The following ATP10D variants were observed in gnomAD, a reference collection of about 807,000 sequenced individuals.
The protein encoded by ATP10D is ATPase phospholipid transporting 10D (putative), also known as phospholipid-transporting ATPase VD.
In ATP10D, 89 loss-of-function variants were observed where a neutral mutation model predicts 144.8. The ratio of observed to expected loss-of-function variants is 0.61; its 90% CI spans 0.52 to 0.73. ATP10D has a LOEUF of 0.73. ATP10D is among the 30% of genes least tolerant of loss of function. The pLI is 0.00. For missense variants in ATP10D, 1,603 were observed against 1,714.8 expected (o/e 0.93, Z 1.15); for synonymous variants, 571 against 615.1 (o/e 0.93, Z 1.06).
intron 1 of ATP10D, among the ~76,000 whole-genome samples, chr4:47,501,991 T>C (rs1715703312): frequency 1.3e-5 from 2 of 152,184 alleles, no homozygotes; most frequent in South Asian, 4.1e-4. Context: ...TGTTTATGCT[T>C]TTTTCAGCTT....
At position 47,591,279 on chromosome 4, in the gene ATP10D, T is replaced by C. The variant is rs1260858769; in HGVS notation, c.4179T>C (p.Ile1393=). 5.6e-6 allele frequency: 9 copies of C among 1,613,584 alleles called. No homozygotes were observed. The highest frequency in any genetic ancestry group is 7.6e-6 in the Non-Finnish European group (9 of 1,179,558). The part of the protein sequence containing the change: ...FAMKSASSCA[I]EQGNLSLCET... ...TGAAGTCAGCAAGTTCCTGTGCTAT[T>C]GAGCAAGGAAACTTATCTCTGTGTG... Residue 1393 remains isoleucine (I), a synonymous_variant, in exon 23 of 23, where the codon ATT becomes ATC. Transcript: ENST00000273859.
chr4:47,552,274 C>T (rs934711943), intron 10 of ATP10D, among the ~76,000 whole-genome samples: 4 of 152,286 alleles, frequency 2.6e-5, no homozygotes, highest in Non-Finnish European at 4.4e-5. Flanking sequence ...TGGCATATTA[C>T]GTTGACTACA....
intron 14 of ATP10D, among the ~76,000 whole-genome samples, chr4:47,561,425 A>G (rs1394883198): frequency 2.6e-5 from 4 of 152,208 alleles, no homozygotes; most frequent in Non-Finnish European, 5.9e-5. Context: ...AAGGTGCTTA[A>G]TACGTGTTAT....
intron 9 of ATP10D, among the ~76,000 whole-genome samples, chr4:47,546,283 T>C (rs573783897): frequency 4.8e-4 from 73 of 152,202 alleles, no homozygotes; most frequent in African/African-American, 1.6e-3. Flanking sequence ...GGTGAAGTCA[T>C]TGAGTTCAGG....
At position 47,512,637 on chromosome 4, in the gene ATP10D, T is replaced by C. The variant is rs1239427184; in HGVS notation, c.97T>C (p.Leu33=). 10 of 1,614,170 alleles carry C rather than the reference T, an allele frequency of 6.2e-6. No homozygotes were observed. Among genetic ancestry groups the C allele is most frequent in the Non-Finnish European group, 8.5e-6 (10 of 1,180,028 alleles). Residue 33 remains leucine, a synonymous_variant, in exon 2 of 23, where the codon TTG becomes CTG. Transcript: ENST00000273859. The part of the protein sequence containing the change: ...DDSGPYNYSS[L]LACGRKSSQT... ...TTCAGGGCCATACAACTATTCCTCG[T>C]TGCTCGCCTGTGGGCGCAAGTCCTC...
intron 10 of ATP10D, among the ~76,000 whole-genome samples, chr4:47,553,750 C>A (rs903839866): frequency 6.6e-6 from 1 of 152,204 alleles, no homozygotes; most frequent in African/African-American, 2.4e-5. Flanking sequence ...TAAACCTATG[C>A]TAACTCTCAC....
chr4:47,523,479 T>C (rs183315255), intron 4 of ATP10D, among the ~76,000 whole-genome samples: 234 of 152,334 alleles, frequency 1.5e-3, no homozygotes, highest in African/African-American at 5.5e-3. Context: ...AACAGAATTA[T>C]TTTTCTTAAA....
At position 47,536,787 on chromosome 4, in the gene ATP10D, T is replaced by C; in HGVS notation, c.1245T>C (p.Asp415=). 6.2e-7 allele frequency: 1 copy of C among 1,613,212 alleles called. No homozygotes were observed. Among genetic ancestry groups the C allele is most frequent in the South Asian group, 1.1e-5 (1 of 91,002 alleles). Residue 415 remains aspartate, a synonymous_variant, in exon 9 of 23, where the codon GAT becomes GAC. Transcript: ENST00000273859. The stretch of plus-strand genomic sequence containing the variant: ...TGGATTTCTACAATGAAAAAATGGA[T>C]TCTATTGTTCAGTGCCGAGCCCTGA... The part of the protein sequence containing the change: ...SDVDFYNEKM[D]SIVQCRALNI...
chr4:47,486,464 G>A (rs916415717), intron 1 of ATP10D, among the ~76,000 whole-genome samples: 1 of 152,184 alleles, frequency 6.6e-6, no homozygotes, highest in African/African-American at 2.4e-5. Context: ...AAGGACAGGG[G>A]CTCCTCATCC....
intron 3 of ATP10D, among the ~76,000 whole-genome samples, chr4:47,519,445 A>G (rs1176734774): frequency 1.3e-5 from 2 of 152,172 alleles, no homozygotes; most frequent in South Asian, 2.1e-4. Context: ...GAGATGCAAC[A>G]AGTTCTAGTT....
intron 1 of ATP10D, among the ~76,000 whole-genome samples, chr4:47,487,589 A>G (rs1174196453): frequency 6.6e-6 from 1 of 152,236 alleles, no homozygotes; most frequent in African/African-American, 2.4e-5. Context: ...AACTCTAGGA[A>G]TAAATATATG....
rs765937515 is a variant in ATP10D, at chr4:47,512,840, TA to T, written c.290+11del. The T allele has an allele frequency of 4.3e-5, 69 of 1,587,322 alleles. No homozygotes were observed. Among genetic ancestry groups the T allele is most frequent in the Non-Finnish European group, 5.9e-5 (68 of 1,161,966 alleles). ...TTGAACAATTTCACAGGTACTGTTT[TA>T]TTTTTGAAGAAAACCTTAGAATATC... On this transcript the variant is annotated intron_variant, in intron 2 of 22. Coordinates refer to ENST00000273859, the MANE Select transcript of ATP10D (RefSeq NM_020453.4).
At chr4:47,515,355 T>C (rs758422740) in intron 2 of ATP10D, 121 bp from the exon 3 acceptor site, 2 of 717,510 alleles carry the variant, frequency 2.8e-6, no homozygotes, top group Non-Finnish European at 4.6e-6. Flanking sequence ...GCTAGTTCTA[T>C]ATTCTGTAAC....
At chr4:47,526,921 A>G (rs533523783) in intron 5 of ATP10D, among the ~76,000 whole-genome samples, 331 of 152,284 alleles carry the variant, frequency 2.2e-3, no homozygotes, top group African/African-American at 7.7e-3. Flanking sequence ...TGAAATCCCA[A>G]TCAAAATCTC....
intron 5 of ATP10D, among the ~76,000 whole-genome samples, chr4:47,527,253 T>A (rs968632926): frequency 6.6e-6 from 1 of 152,142 alleles, no homozygotes; most frequent in Non-Finnish European, 1.5e-5. Flanking sequence ...GTATTTATAT[T>A]TTCAAACGTG....
chr4:47,514,775 G>A (rs1405156976), intron 2 of ATP10D, among the ~76,000 whole-genome samples: 1 of 152,088 alleles, frequency 6.6e-6, no homozygotes, highest in Non-Finnish European at 1.5e-5. Context: ...ATGTTTGGAT[G>A]TACAAAAGGC....
chr4:47,518,232 T>C (rs983739075), intron 3 of ATP10D, among the ~76,000 whole-genome samples: 3 of 152,186 alleles, frequency 2.0e-5, no homozygotes, highest in Non-Finnish European at 4.4e-5. Flanking sequence ...AATTTGGTTC[T>C]TTTTTGTAGT....
chr4:47,494,929 C>G (rs1434540982), intron 1 of ATP10D, among the ~76,000 whole-genome samples: 7 of 152,038 alleles, frequency 4.6e-5, no homozygotes, highest in Admixed American at 1.3e-4. Context: ...AAGAGTCTCC[C>G]AAAACTATAT....
At chr4:47,514,343 A>G (rs1716516616) in intron 2 of ATP10D, among the ~76,000 whole-genome samples, 1 of 152,216 alleles carries the variant, frequency 6.6e-6, no homozygotes, top group African/African-American at 2.4e-5. Flanking sequence ...AAAACCTGAA[A>G]CAGAGTTCAA....
Sources: allele counts gnomAD v4.1 joint callset (sites outside exome capture counted in the v4.1 genomes callset), GRCh38; gene constraint gnomAD v4.1.1; transcripts MANE v1.5; gene names NCBI Gene and HGNC (gene_info 2026-07-23, HGNC 2026-07-21).